Variants in REG1B observed in about 807,000 individuals in gnomAD.
REG1B encodes the protein regenerating family member 1 beta.
Under a neutral mutation model 20.4 loss-of-function variants are expected in REG1B, and 21 were observed. The ratio of observed to expected loss-of-function variants is 1.03; its 90% confidence interval spans 0.73 to 1.48. The LOEUF is 1.48. Among genes scored for constraint, REG1B ranks in the 40% most tolerant of loss-of-function variants. The pLI is 0.00. For synonymous variants in REG1B, 82 were observed against 73.4 expected (o/e 1.12, Z -0.60); for missense variants, 247 against 197.2 (o/e 1.25, Z -1.51).
At chr2:79,085,962 C>A in intron 4 of REG1B, 1 of 258,074 alleles carries the variant, frequency 3.9e-6, no homozygotes, top group Non-Finnish European at 7.5e-6. Context: ...TAGTGTTAAA[C>A]TAAATAATAT....
intron 3 of REG1B, 116 bp from the exon 4 acceptor site, chr2:79,086,620 G>A: frequency 3.6e-6 from 5 of 1,406,202 alleles, no homozygotes; most frequent in Non-Finnish European, 5.0e-6. Flanking sequence ...TGATGATGCT[G>A]TCACTGACCA....
In REG1B at chr2:79,085,606, A is replaced by C. The variant is rs1375231181; in HGVS notation, c.322-3T>G. On this transcript the variant is annotated splice_polypyrimidine_tract_variant and splice_region_variant and intron_variant, in intron 4 of 5. Transcript: ENST00000305089. ...CTACTCCAGTGCCAGCGGCGGTTCT[A>C]GATGGAGAAGGGCCAGAACAGGGGC... The C allele has an allele frequency of 1.2e-6, 2 of 1,603,144 alleles. No homozygotes were observed. Among genetic ancestry groups the C allele is most frequent in the Non-Finnish European group, 1.7e-6 (2 of 1,171,576 alleles).
rs1232451024 is a variant in REG1B at position 79,085,668 on chromosome 2, G to T, written c.322-65C>A. The T allele has an allele frequency of 4.9e-6, 5 of 1,026,422 alleles. No individual in the cohort carries two copies. In the African/African-American group the frequency reaches 8.0e-5, roughly 16 times the overall value. 63.6% of individuals were successfully genotyped at this position (1,026,422 alleles called of 1,614,324 possible). A position where few individuals can be genotyped will look rare whatever the true frequency, so the allele number is the denominator to read the frequency against. ...AAAAATCAATAGAATAACCAGGCCT[G>T]TGTGCACACTCAGAAACAGGCCAAG... On this transcript the variant is annotated intron_variant, in intron 4 of 5. Coordinates refer to ENST00000305089, the MANE Select transcript of REG1B (RefSeq NM_006507.4).
intron 2 of REG1B, 71 bp from the exon 3 acceptor site, chr2:79,087,001 G>T: frequency 7.9e-7 from 1 of 1,259,732 alleles, no homozygotes; most frequent in Non-Finnish European, 1.2e-6. Flanking sequence ...GGTGAATTAG[G>T]GGCTTCTTGG....
chr2:79,085,314 A>C, intron 5 of REG1B, 31 bp from the exon 6 acceptor site: 1 of 1,531,856 alleles, frequency 6.5e-7, no homozygotes, highest in East Asian at 2.3e-5. Flanking sequence ...TCAGACATAG[A>C]GGATCAGAAG....
In REG1B at chr2:79,086,888, C is replaced by T; in HGVS notation, c.107G>A (p.Cys36Tyr). ...QTELPNPRIS[C>Y]PEGTNAYRSY... The stretch of plus-strand genomic sequence containing the variant: ...GCGATAGGCATTGGTGCCTTCTGGG[C>T]AGCTGATTCGGGGATTAGGCAGCTC... Residue 36 changes from cysteine (C) to tyrosine (Y), a missense_variant, in exon 3 of 6, where the codon TGC becomes TAC. Coordinates refer to ENST00000305089, the MANE Select transcript of REG1B (RefSeq NM_006507.4). 1 of 1,613,710 alleles carries T rather than the reference C, an allele frequency of 6.2e-7. No individual in the cohort carries two copies. Among genetic ancestry groups the T allele is most frequent in the South Asian group, 1.1e-5 (1 of 91,054 alleles).
chr2:79,087,756 G>C, intron 1 of REG1B, 98 bp from the exon 2 acceptor site: 1 of 717,218 alleles, frequency 1.4e-6, no homozygotes, highest in African/African-American at 1.8e-5. Context: ...GAGCCGAAAG[G>C]TCCACTGAGA....
intron 4 of REG1B, 54 bp downstream of exon 4, chr2:79,086,313 C>T: frequency 2.5e-6 from 4 of 1,598,350 alleles, no homozygotes; most frequent in Non-Finnish European, 3.4e-6. Flanking sequence ...CCTTAAACGT[C>T]CCTCTTACCT....
chr2:79,087,775 C>T, intron 1 of REG1B, 117 bp from the exon 2 acceptor site: 1 of 579,260 alleles, frequency 1.7e-6, no homozygotes, highest in Non-Finnish European at 2.9e-6. Flanking sequence ...GATAGCTACA[C>T]TCCCAGATAT....
chr2:79,086,761 G>C lies in REG1B; in HGVS notation c.183+51C>G, dbSNP rs1427023655. 3.9e-6 allele frequency: 6 copies of C among 1,536,836 alleles called. No homozygotes were observed. In the South Asian group the frequency reaches 6.7e-5, roughly 17 times the overall value. ...CCACAGAACACACTGCAAATTAGCA[G>C]CTGCCTCTACCTTCATAAGCCTCCC... is the stretch of plus-strand genomic sequence containing the variant. On this transcript the variant is annotated intron_variant, in intron 3 of 5. Coordinates refer to ENST00000305089, the MANE Select transcript of REG1B (RefSeq NM_006507.4).
rs1672380780 is a variant in REG1B, at chr2:79,085,289, G to C, written c.434-6C>G. On this transcript the variant is annotated splice_region_variant and splice_polypyrimidine_tract_variant and intron_variant, in intron 5 of 5. Coordinates refer to ENST00000305089, the MANE Select transcript of REG1B (RefSeq NM_006507.4). Reference sequence around the variant, plus strand: ...ATCCTTCCATTTCTTGAATCCTATGGTACAATGAGAAGTGTCAGACATAGA... The same window carrying C: ...ATCCTTCCATTTCTTGAATCCTATGCTACAATGAGAAGTGTCAGACATAGA... 6.2e-7 allele frequency: 1 copy of C among 1,600,364 alleles called. No homozygotes were observed. The highest frequency in any genetic ancestry group is 1.3e-5 in the African/African-American group (1 of 74,660).
chr2:79,085,395 A>G (rs1453352252), intron 5 of REG1B, 97 bp downstream of exon 5: 1 of 1,356,708 alleles, frequency 7.4e-7, no homozygotes, highest in Non-Finnish European at 1.0e-6. Flanking sequence ...TTTTCCAGAT[A>G]AGGAGCTTAC....
chr2:79,085,434 T>A (rs867206796), intron 5 of REG1B, 58 bp downstream of exon 5: 5 of 1,437,894 alleles, frequency 3.5e-6, no homozygotes, highest in African/African-American at 2.8e-5. Context: ...CCCATGTTCA[T>A]CCCCAGAGAT....
At chr2:79,087,861 C>T in intron 1 of REG1B, 98 bp downstream of exon 1, 1 of 412,328 alleles carries the variant, frequency 2.4e-6, no homozygotes, top group Non-Finnish European at 4.3e-6. Context: ...TTCATTACTA[C>T]TGGGATCTTT....
In REG1B at chr2:79,087,978, C is replaced by A. The variant is rs1380731156; in HGVS notation, c.-66G>T. Reference sequence around the variant, plus strand: ...CTTTACCTGTTGGTAAGTGCCTTGTCCACTTGAGGTGGCTTGTCAGGTCAG... The same window carrying A: ...CTTTACCTGTTGGTAAGTGCCTTGTACACTTGAGGTGGCTTGTCAGGTCAG... On this transcript the variant is annotated 5_prime_UTR_variant, in exon 1 of 6. Coordinates refer to ENST00000305089, the MANE Select transcript of REG1B (RefSeq NM_006507.4). 5.4e-6 allele frequency: 1 copy of A among 185,892 alleles called. No individual in the cohort carries two copies. Among genetic ancestry groups the A allele is most frequent in the Non-Finnish European group, 1.1e-5 (1 of 88,344 alleles). 11.5% of individuals were successfully genotyped at this position (185,892 alleles called of 1,614,324 possible).
Position 79,085,138 on chromosome 2 carries a change from T to C in REG1B, c.*78A>G. 5.0e-6 allele frequency: 5 copies of C among 1,006,880 alleles called. No homozygotes were observed. In the South Asian group the frequency reaches 5.3e-5, roughly 11 times the overall value. 62.4% of individuals were successfully genotyped at this position (1,006,880 alleles called of 1,614,324 possible). On this transcript the variant is annotated 3_prime_UTR_variant, in exon 6 of 6. Transcript: ENST00000305089. ...AGGGAGGAGATGGTCTGAACTGAGT[T>C]GGAGACATAGTCTAGTTTAATTTTT... is the stretch of plus-strand genomic sequence containing the variant.
At chr2:79,086,130 A>T in intron 4 of REG1B, 1 of 509,378 alleles carries the variant, frequency 2.0e-6, no homozygotes, top group Non-Finnish European at 3.5e-6. Flanking sequence ...CATTTCTAGA[A>T]GTAGACACAA....
At chr2:79,086,116 G>A in intron 4 of REG1B, 1 of 478,134 alleles carries the variant, frequency 2.1e-6, no homozygotes, top group South Asian at 2.5e-5. Context: ...TGTACATAAA[G>A]ATGCATTTCT....
chr2:79,085,444 T>C, intron 5 of REG1B, 48 bp downstream of exon 5: 1 of 1,478,056 alleles, frequency 6.8e-7, no homozygotes, highest in Non-Finnish European at 9.5e-7. Flanking sequence ...TCCCCAGAGA[T>C]AAGTGGGAAG....
Sources: gnomAD v4.1 joint callset for allele counts on GRCh38, gnomAD v4.1.1 for gene constraint, MANE v1.5 for transcripts, NCBI Gene and HGNC (gene_info 2026-07-23, HGNC 2026-07-21) for gene names.